The following TMCC1 variants were observed in gnomAD, a reference collection of about 807,000 sequenced individuals.
TMCC1 encodes the protein transmembrane and coiled-coil domain family 1.
TMCC1 carries 15 observed loss-of-function variants against 52.4 expected under a neutral mutation model. The ratio of observed to expected loss-of-function variants is 0.29; its 90% CI spans 0.19 to 0.44. The LOEUF is 0.44. Among genes scored for constraint, TMCC1 ranks in the 20% least tolerant of loss-of-function variants. TMCC1 has a pLI of 1.00. For synonymous variants in TMCC1, 279 were observed against 301.9 expected, an observed-to-expected ratio of 0.92 and a Z score of 0.79; for missense variants, 503 against 806.0, an observed-to-expected ratio of 0.62 and a Z score of 4.55.
At chr3:129,694,692 C>T (rs907557338) in intron 4 of TMCC1, among the ~76,000 whole-genome samples, 4 of 152,184 alleles carry the variant, frequency 2.6e-5, no homozygotes, top group African/African-American at 9.7e-5. Flanking sequence ...AAGGCAATGT[C>T]AGGAAGTTAC....
chr3:129,875,191 TAA>T (rs780151102), intron 2 of TMCC1, among the ~76,000 whole-genome samples: 1 of 140,594 alleles, frequency 7.1e-6, no homozygotes, highest in Admixed American at 7.1e-5. Context: ...CATTGCTATT[TAA>T]AAAAAAAAAA....
chr3:129,864,490 A>G (rs371456589), intron 2 of TMCC1, among the ~76,000 whole-genome samples: 1 of 152,350 alleles, frequency 6.6e-6, no homozygotes, highest in East Asian at 1.9e-4. Flanking sequence ...TAATAAATTT[A>G]TAAGAATTAT....
intron 4 of TMCC1, among the ~76,000 whole-genome samples, chr3:129,701,380 C>T (rs2047820290): frequency 6.6e-6 from 1 of 152,180 alleles, no homozygotes; most frequent in South Asian, 2.1e-4. Context: ...TCCCTAATTG[C>T]ATTAACCTCC....
At chr3:129,705,939 G>A (rs1381557595) in intron 4 of TMCC1, among the ~76,000 whole-genome samples, 2 of 141,208 alleles carry the variant, frequency 1.4e-5, no homozygotes, top group South Asian at 2.3e-4. Context: ...CACCCAGGCT[G>A]GAGTGCAGTG....
chr3:129,738,534 A>G (rs1296228744), intron 4 of TMCC1, among the ~76,000 whole-genome samples: 1 of 152,208 alleles, frequency 6.6e-6, no homozygotes, highest in Non-Finnish European at 1.5e-5. Flanking sequence ...AAAACTTTTA[A>G]TAACAACTAC....
chr3:129,880,479 T>G lies in TMCC1; in HGVS notation c.-354A>C, dbSNP rs1240739204. The G allele has an allele frequency of 6.6e-6, 1 of 152,220 alleles. No homozygotes were observed. The highest frequency in any genetic ancestry group is 2.4e-5 in the African/African-American group (1 of 41,454). 9.4% of individuals were successfully genotyped at this position (152,220 alleles called of 1,614,324 possible). A position where few individuals can be genotyped will look rare whatever the true frequency, so the allele number is the denominator to read the frequency against. ...TGGACACTGTGTCTTCTAAATCTTG[T>G]GACCAAAGGCAACTGTTCACCGAGC... On this transcript the variant is annotated 5_prime_UTR_variant, in exon 2 of 7. Transcript: ENST00000393238.
At chr3:129,663,371 G>A (rs937569875) in intron 5 of TMCC1, among the ~76,000 whole-genome samples, 2 of 152,158 alleles carry the variant, frequency 1.3e-5, no homozygotes, top group African/African-American at 2.4e-5. Context: ...GGCAACTATG[G>A]GAGAAGAATG....
intron 4 of TMCC1, among the ~76,000 whole-genome samples, chr3:129,736,953 C>A (rs1233811162): frequency 6.6e-6 from 1 of 152,188 alleles, no homozygotes; most frequent in African/African-American, 2.4e-5. Context: ...CAACTGTTAA[C>A]CTTTTGCCAT....
At chr3:129,821,310 C>T (rs1201292467) in intron 4 of TMCC1, among the ~76,000 whole-genome samples, 1 of 152,064 alleles carries the variant, frequency 6.6e-6, no homozygotes, top group Non-Finnish European at 1.5e-5. Flanking sequence ...TAAAATTTTC[C>T]CTAAGCACTA....
intron 1 of TMCC1, among the ~76,000 whole-genome samples, chr3:129,884,338 A>C (rs1444329629): frequency 6.6e-6 from 1 of 152,154 alleles, no homozygotes; most frequent in Non-Finnish European, 1.5e-5. Context: ...CAATATCAAG[A>C]ATTTTCAGGC....
intron 4 of TMCC1, among the ~76,000 whole-genome samples, chr3:129,739,314 T>C (rs1469089003): frequency 3.3e-5 from 5 of 152,056 alleles, no homozygotes; most frequent in Non-Finnish European, 5.9e-5. Flanking sequence ...ATTACAGGCA[T>C]GCACCAACAC....
intron 2 of TMCC1, among the ~76,000 whole-genome samples, chr3:129,840,706 C>G (rs1350574493): frequency 6.6e-6 from 1 of 152,186 alleles, no homozygotes; most frequent in Non-Finnish European, 1.5e-5. Context: ...CAGTTCCCCA[C>G]CCCACTCCTG....
At chr3:129,656,307 G>A (rs749170964) in intron 5 of TMCC1, among the ~76,000 whole-genome samples, 1 of 152,234 alleles carries the variant, frequency 6.6e-6, no homozygotes, top group Non-Finnish European at 1.5e-5. Flanking sequence ...GTCAGGCAGA[G>A]GGCAGATGGG....
chr3:129,797,542 G>A (rs946248265), intron 4 of TMCC1, among the ~76,000 whole-genome samples: 1 of 152,076 alleles, frequency 6.6e-6, no homozygotes, highest in African/African-American at 2.4e-5. Context: ...AGAAATTCGA[G>A]AGTAGCCTGG....
chr3:129,858,998 C>G (rs2060263526), intron 2 of TMCC1, among the ~76,000 whole-genome samples: 1 of 151,984 alleles, frequency 6.6e-6, no homozygotes, highest in African/African-American at 2.4e-5. Flanking sequence ...ACTGTTGAAG[C>G]AATTAATATA....
At chr3:129,881,329 C>T (rs1388995222) in intron 1 of TMCC1, among the ~76,000 whole-genome samples, 1 of 152,098 alleles carries the variant, frequency 6.6e-6, no homozygotes, top group African/African-American at 2.4e-5. Context: ...ATATTAAAAT[C>T]TATTTCAAGT....
At chr3:129,864,169 A>C (rs1295625442) in intron 2 of TMCC1, among the ~76,000 whole-genome samples, 1 of 152,162 alleles carries the variant, frequency 6.6e-6, no homozygotes, top group Non-Finnish European at 1.5e-5. Flanking sequence ...TGTAGAGAGA[A>C]GGTTGGGAGC....
intron 1 of TMCC1, among the ~76,000 whole-genome samples, chr3:129,882,087 A>G (rs182063931): frequency 6.6e-6 from 1 of 152,294 alleles, no homozygotes; most frequent in East Asian, 1.9e-4. Flanking sequence ...ATAAAGAAAA[A>G]TCTTAAAAGG....
chr3:129,767,259 T>TAA (rs574438436), intron 4 of TMCC1, among the ~76,000 whole-genome samples: 9,019 of 132,552 alleles, frequency 0.068, 379 homozygotes, highest in Non-Finnish European at 0.094. Flanking sequence ...ACGCTGTCTT[T>TAA]AAAAAAAAAA....
Sources: gnomAD v4.1 joint callset for allele counts (sites outside exome capture counted in the v4.1 genomes callset) on GRCh38, gnomAD v4.1.1 for gene constraint, MANE v1.5 for transcripts, NCBI Gene and HGNC (gene_info 2026-07-23, HGNC 2026-07-21) for gene names.